VPS13B: variants seen among roughly 807,000 people sequenced by gnomAD.
The protein encoded by VPS13B is intermembrane lipid transfer protein VPS13B.
In VPS13B, 285 loss-of-function variants were observed where a neutral mutation model predicts 426.4. The observed-to-expected ratio is 0.67, with a 90% CI of 0.61 to 0.74. The LOEUF is 0.74. Among genes scored for constraint, VPS13B ranks in the 30% least tolerant of loss-of-function variants. The pLI, the probability that VPS13B is intolerant of heterozygous loss-of-function variation, is 0.00. For missense variants in VPS13B, 4,537 were observed against 4,782.6 expected, an observed-to-expected ratio of 0.95 and a Z score of 1.51; for synonymous variants, 1,676 against 1,676.4, an observed-to-expected ratio of 1.00 and a Z score of 0.01.
At chr8:99,365,516 C>CTTCTTTTTTTTTT (rs71273182) in intron 19 of VPS13B, among the ~76,000 whole-genome samples, 1 of 102,392 alleles carries the variant, frequency 9.8e-6, no homozygotes, top group Non-Finnish European at 1.8e-5. Context: ...TCTTCTTCTT[C>CTTCTTTTTTTTTT]TTTTTTTTTT....
intron 3 of VPS13B, among the ~76,000 whole-genome samples, chr8:99,082,639 T>C (rs1279221025): frequency 1.3e-5 from 2 of 152,212 alleles, no homozygotes; most frequent in East Asian, 3.8e-4. Flanking sequence ...AATTTTTGTA[T>C]AAGGTGTAAG....
chr8:99,463,946 C>T (rs1359710834), intron 23 of VPS13B, among the ~76,000 whole-genome samples: 6 of 152,130 alleles, frequency 3.9e-5, no homozygotes, highest in African/African-American at 7.2e-5. Context: ...CTGCCCACTT[C>T]GGCCTCCCAA....
intron 43 of VPS13B, among the ~76,000 whole-genome samples, chr8:99,800,030 C>T (rs1332749374): frequency 6.6e-6 from 1 of 152,138 alleles, no homozygotes; most frequent in East Asian, 1.9e-4. Flanking sequence ...AGAATTGGGT[C>T]TAACCAAATG....
chr8:99,628,846 T>C (rs770636811), intron 33 of VPS13B, among the ~76,000 whole-genome samples: 1 of 151,930 alleles, frequency 6.6e-6, no homozygotes, highest in Non-Finnish European at 1.5e-5. Flanking sequence ...GGCGTGATCA[T>C]GGTTCACTGC....
intron 8 of VPS13B, among the ~76,000 whole-genome samples, chr8:99,128,377 A>T: frequency 8.0e-6 from 1 of 124,616 alleles, no homozygotes; most frequent in South Asian, 3.2e-4. Flanking sequence ...ACAGAGCAAG[A>T]TACTGTCCCA....
intron 6 of VPS13B, 89 bp downstream of exon 6, chr8:99,111,368 G>A (rs1847357005): frequency 1.8e-6 from 2 of 1,084,878 alleles, no homozygotes; most frequent in Admixed American, 5.0e-5. Flanking sequence ...AACAAATGAA[G>A]AAATTAACCT....
intron 17 of VPS13B, chr8:99,209,589 T>A: frequency 3.7e-6 from 1 of 273,596 alleles, no homozygotes; most frequent in Non-Finnish European, 7.0e-6. Flanking sequence ...TTTTACTTTG[T>A]AGAGATTGGG....
chr8:99,813,391 G>T (rs1378576067), intron 44 of VPS13B, among the ~76,000 whole-genome samples: 1 of 152,124 alleles, frequency 6.6e-6, no homozygotes, highest in East Asian at 1.9e-4. Flanking sequence ...GGGTCCAAAG[G>T]TTCTGAAGCA....
chr8:99,360,238 CTCTCCT>C lies in VPS13B; in HGVS notation c.2825-23967_2825-23962del, dbSNP rs1457441552. On this transcript the variant is annotated intron_variant, in intron 19 of 61. Coordinates refer to ENST00000357162, the MANE Select transcript of VPS13B (RefSeq NM_152564.5). ...TCTTTCTTTCTTTCTTTCTTTCTCT[CTCTCCT>C]TCCTTCCTTCCTTCCTTCCTTCCTT... 2.5e-3 allele frequency among the ~76,000 whole-genome samples: 240 copies of C among 95,250 alleles called. 16 individuals are homozygous for C. The highest frequency in any genetic ancestry group is 9.2e-3 in the African/African-American group (213 of 23,062). 62.5% of individuals were successfully genotyped at this position (95,250 alleles called of 152,430 possible). A position where few individuals can be genotyped will look rare whatever the true frequency, so the allele number is the denominator to read the frequency against.
intron 17 of VPS13B, among the ~76,000 whole-genome samples, chr8:99,215,844 T>C (rs1200649311): frequency 6.6e-6 from 1 of 152,152 alleles, no homozygotes; most frequent in Non-Finnish European, 1.5e-5. Context: ...ACCACTCTTA[T>C]CTTAGAGGAT....
intron 3 of VPS13B, among the ~76,000 whole-genome samples, chr8:99,047,386 G>A (rs139192158): frequency 8.9e-4 from 136 of 152,114 alleles, no homozygotes; most frequent in African/African-American, 1.6e-3. Context: ...TTCCCGTTTC[G>A]TTTCTAATTG....
intron 19 of VPS13B, among the ~76,000 whole-genome samples, chr8:99,332,741 A>T (rs901300586): frequency 4.0e-5 from 6 of 151,682 alleles, no homozygotes; most frequent in African/African-American, 1.4e-4. Context: ...ATTTCTTCTG[A>T]ATTTCCCATA....
intron 4 of VPS13B, among the ~76,000 whole-genome samples, chr8:99,098,349 C>T (rs1846537958): frequency 6.6e-6 from 1 of 152,218 alleles, no homozygotes; most frequent in Admixed American, 6.5e-5. Context: ...CCTTTACACA[C>T]ACACACTCAC....
intron 33 of VPS13B, among the ~76,000 whole-genome samples, chr8:99,614,268 C>A (rs1248992050): frequency 6.6e-6 from 1 of 151,908 alleles, no homozygotes; most frequent in South Asian, 2.1e-4. Context: ...CACACACACA[C>A]ACACATATAT....
intron 19 of VPS13B, among the ~76,000 whole-genome samples, chr8:99,323,915 A>G (rs937623462): frequency 7.9e-5 from 12 of 152,202 alleles, no homozygotes; most frequent in African/African-American, 2.9e-4. Flanking sequence ...TGAAATTGCT[A>G]TGTGAGGATT....
intron 39 of VPS13B, among the ~76,000 whole-genome samples, chr8:99,726,047 T>A (rs1293925761): frequency 6.6e-6 from 1 of 152,230 alleles, no homozygotes; most frequent in Non-Finnish European, 1.5e-5. Flanking sequence ...CTCTTTATAT[T>A]CCTCATTCCA....
chr8:99,184,712 C>T (rs890263830), intron 16 of VPS13B, among the ~76,000 whole-genome samples: 1 of 152,030 alleles, frequency 6.6e-6, no homozygotes, highest in Non-Finnish European at 1.5e-5. Context: ...AAAAGCTGGC[C>T]AGGCATGGTG....
intron 39 of VPS13B, among the ~76,000 whole-genome samples, chr8:99,724,767 C>T (rs1833268630): frequency 6.6e-6 from 1 of 152,190 alleles, no homozygotes; most frequent in South Asian, 2.1e-4. Flanking sequence ...TTCCAGGCTC[C>T]AGTATCTCTT....
chr8:99,825,724 T>G (rs557905683), intron 51 of VPS13B, among the ~76,000 whole-genome samples: 1 of 152,364 alleles, frequency 6.6e-6, no homozygotes, highest in Admixed American at 6.5e-5. Context: ...AAATCTTTAA[T>G]CCATCTTCAG....
Sources: allele counts gnomAD v4.1 joint callset (sites outside exome capture counted in the v4.1 genomes callset), GRCh38; gene constraint gnomAD v4.1.1; transcripts MANE v1.5; gene names NCBI Gene and HGNC (gene_info 2026-07-23, HGNC 2026-07-21).